SAMSN1: variants seen among roughly 807,000 people sequenced by gnomAD.
SAMSN1 encodes SAM domain-containing protein SAMSN-1.
In SAMSN1, 31 loss-of-function variants were observed where a neutral mutation model predicts 42.0. The observed-to-expected ratio is 0.74, with a 90% confidence interval of 0.55 to 1.00. The LOEUF is 1.00. SAMSN1 is among the 50% of genes least tolerant of loss of function. SAMSN1 has a pLI of 0.00. For synonymous variants in SAMSN1, 178 were observed against 151.9 expected, an observed-to-expected ratio of 1.17 and a Z score of -1.26; for missense variants, 464 against 439.4, an observed-to-expected ratio of 1.06 and a Z score of -0.50.
intron 2 of SAMSN1, among the ~76,000 whole-genome samples, chr21:14,641,504 T>A (rs1983597427): frequency 6.6e-6 from 1 of 152,192 alleles, no homozygotes; most frequent in Non-Finnish European, 1.5e-5. Context: ...TGGTGCATCC[T>A]CTCTTTGAGT....
intron 2 of SAMSN1, among the ~76,000 whole-genome samples, chr21:14,621,643 G>A (rs1269207705): frequency 6.6e-6 from 1 of 151,576 alleles, no homozygotes; most frequent in African/African-American, 2.4e-5. Flanking sequence ...CAACTGGGTG[G>A]AGCCCACCGC....
chr21:14,513,660 G>A (rs914016554), intron 3 of SAMSN1, among the ~76,000 whole-genome samples: 5 of 152,108 alleles, frequency 3.3e-5, no homozygotes, highest in African/African-American at 1.2e-4. Flanking sequence ...GTTAGGGGTT[G>A]GCTGATTTAA....
chr21:14,654,536 A>G (rs1299397820), intron 1 of SAMSN1, among the ~76,000 whole-genome samples: 1 of 152,040 alleles, frequency 6.6e-6, no homozygotes, highest in Non-Finnish European at 1.5e-5. Flanking sequence ...GGCAAACTCC[A>G]TGATGGAAAT....
intron 1 of SAMSN1, 36 bp downstream of exon 1, chr21:14,546,169 T>C: frequency 6.4e-7 from 1 of 1,551,772 alleles, no homozygotes; most frequent in Non-Finnish European, 8.9e-7. Context: ...TATTAAATAG[T>C]TTGATTTTAT....
At chr21:14,625,061 T>C (rs1486685353) in intron 2 of SAMSN1, among the ~76,000 whole-genome samples, 1 of 152,074 alleles carries the variant, frequency 6.6e-6, no homozygotes, top group African/African-American at 2.4e-5. Context: ...GAAAAGGCCT[T>C]TGACAAGATT....
chr21:14,544,762 T>C (rs1337980883), intron 1 of SAMSN1, among the ~76,000 whole-genome samples: 1 of 152,180 alleles, frequency 6.6e-6, no homozygotes, highest in Non-Finnish European at 1.5e-5. Flanking sequence ...GAGTAAAGTA[T>C]CATTTTGACA....
At chr21:14,620,910 C>T (rs1042809839) in intron 2 of SAMSN1, among the ~76,000 whole-genome samples, 1 of 152,114 alleles carries the variant, frequency 6.6e-6, no homozygotes, top group Non-Finnish European at 1.5e-5. Flanking sequence ...TAAGCTAATT[C>T]AATTTCTATT....
At chr21:14,630,827 T>C (rs888578376) in intron 2 of SAMSN1, among the ~76,000 whole-genome samples, 2 of 152,194 alleles carry the variant, frequency 1.3e-5, no homozygotes, top group African/African-American at 4.8e-5. Context: ...ATTTTCTTCC[T>C]TTAGTGTCTA....
intron 1 of SAMSN1, among the ~76,000 whole-genome samples, chr21:14,545,979 T>C (rs569535668): frequency 6.6e-5 from 10 of 152,358 alleles, no homozygotes; most frequent in Admixed American, 6.5e-4. Flanking sequence ...CAGATGTAAA[T>C]GTTCCAATAT....
upstream of SAMSN1, chr21:14,546,370 A>G (rs1600922131): frequency 5.4e-5 from 81 of 1,487,082 alleles, no homozygotes; most frequent in Admixed American, 5.1e-5. Context: ...GGTTGAGCCC[A>G]GGGACCTGCC....
intron 2 of SAMSN1, among the ~76,000 whole-genome samples, chr21:14,623,107 G>T (rs897312907): frequency 3.9e-5 from 6 of 152,096 alleles, no homozygotes; most frequent in Non-Finnish European, 7.4e-5. Flanking sequence ...CCCTACAAGA[G>T]CTCCTAAGGA....
intron 6 of SAMSN1, chr21:14,598,107 T>G (rs981705662): frequency 1.3e-5 from 2 of 152,156 alleles, no homozygotes; most frequent in Admixed American, 6.6e-5. Flanking sequence ...GCAACACTTT[T>G]TCTCAGCAAA....
chr21:14,502,138 A>G (rs2822709), intron 5 of SAMSN1, among the ~76,000 whole-genome samples: 42,561 of 152,064 alleles, frequency 0.28, 8,573 homozygotes, highest in African/African-American at 0.57. Context: ...TGCTGCTCTG[A>G]GAATGTGTGT....
rs141335806 is a variant in SAMSN1, at chr21:14,575,654, G to T, written c.261+6482C>A. Among the ~76,000 whole-genome samples, 32 of 152,226 alleles carry T rather than the reference G, an allele frequency of 2.1e-4. 1 individual carries two copies. The highest frequency in any genetic ancestry group is 7.5e-4 in the African/African-American group (31 of 41,532). On this transcript the variant is annotated intron_variant, in intron 2 of 8. Transcript: ENST00000285670. The stretch of plus-strand genomic sequence containing the variant: ...GATAGTTCATAGTCTACCTTCTTCC[G>T]GGTGAGTGTGTGAGCTTTCTTCTTA...
intron 1 of SAMSN1, among the ~76,000 whole-genome samples, chr21:14,649,244 G>A (rs78288265): frequency 0.42 from 60,535 of 143,678 alleles, 15,611 homozygotes; most frequent in Non-Finnish European, 0.57. Flanking sequence ...GACACAGGAA[G>A]GGGAACATCA....
intron 1 of SAMSN1, among the ~76,000 whole-genome samples, chr21:14,541,974 A>C (rs1427215113): frequency 7.5e-6 from 1 of 132,758 alleles, no homozygotes; most frequent in South Asian, 2.6e-4. Context: ...CCTGGGTAAC[A>C]GAATGAGACC....
chr21:14,549,565 T>A (rs1980532444), upstream of SAMSN1, among the ~76,000 whole-genome samples: 1 of 152,134 alleles, frequency 6.6e-6, no homozygotes, highest in Admixed American at 6.6e-5. Context: ...CTCCTGACTA[T>A]ACCTCAAGTG....
At chr21:14,617,305 A>G (rs1386324493) in intron 2 of SAMSN1, among the ~76,000 whole-genome samples, 2 of 152,184 alleles carry the variant, frequency 1.3e-5, no homozygotes, top group Admixed American at 6.5e-5. Context: ...CCCTAAAAGT[A>G]TGCAATCTCT....
intron 5 of SAMSN1, among the ~76,000 whole-genome samples, chr21:14,605,853 T>C (rs1009065372): frequency 6.6e-6 from 1 of 150,488 alleles, no homozygotes; most frequent in Non-Finnish European, 1.5e-5. Flanking sequence ...TATTTATTTA[T>C]TTTTTTGAGA....
Sources: gnomAD v4.1 joint callset for allele counts (sites outside exome capture counted in the v4.1 genomes callset) on GRCh38, gnomAD v4.1.1 for gene constraint, MANE v1.5 for transcripts, NCBI Gene and HGNC (gene_info 2026-07-23, HGNC 2026-07-21) for gene names.